The following ELF1 variants were observed in gnomAD, a reference collection of about 807,000 sequenced individuals.
The protein encoded by ELF1 is E74 like ETS transcription factor 1, also known as ETS-related transcription factor Elf-1.
A neutral mutation model predicts 59.9 loss-of-function variants in ELF1; 24 were observed. That is an observed-to-expected ratio of 0.40 (90% CI 0.29 to 0.56). The LOEUF is 0.56. ELF1 is among the 20% of genes least tolerant of loss of function. ELF1 has a pLI of 0.44. For missense variants in ELF1, 627 were observed against 742.2 expected, an observed-to-expected ratio of 0.84 and a Z score of 1.80; for synonymous variants, 248 against 266.2, an observed-to-expected ratio of 0.93 and a Z score of 0.67.
Position 41,015,261 on chromosome 13 carries a change from G to A in ELF1, c.-229+3967C>T, listed in dbSNP as rs535797434. ...AAAGATTATTTATTATGGCCAATAT[G>A]GCAGTAGGTTTCGGGGGTGGATCAG... On this transcript the variant is annotated intron_variant, in intron 1 of 8. Coordinates refer to ENST00000239882, the MANE Select transcript of ELF1 (RefSeq NM_172373.4). 2.0e-5 allele frequency among the ~76,000 whole-genome samples: 3 copies of A among 152,094 alleles called. No homozygotes were observed. In the East Asian group the frequency reaches 5.8e-4, roughly 29 times the overall value.
In ELF1 at chr13:40,942,411, A is replaced by G. The variant is rs1870233795; in HGVS notation, c.806+541T>C. On this transcript the variant is annotated intron_variant, in intron 7 of 8. Transcript: ENST00000239882. ...GAAAAACGAACTAAAAGTGAGCTTAAGAATGTTACTCTTGTTCAAAATTCT... is the reference window on the plus strand; with the variant it reads ...GAAAAACGAACTAAAAGTGAGCTTAGGAATGTTACTCTTGTTCAAAATTCT... Among the ~76,000 whole-genome samples the G allele has an allele frequency of 2.0e-5, 3 of 152,382 alleles. No homozygotes were observed. The South Asian group carries it at 6.2e-4, about 32-fold the overall frequency.
At chr13:40,972,742 A>G (rs1312637785) in intron 2 of ELF1, among the ~76,000 whole-genome samples, 1 of 152,190 alleles carries the variant, frequency 6.6e-6, no homozygotes, top group Non-Finnish European at 1.5e-5. Flanking sequence ...AAACTTGTCT[A>G]AAGTTACACA....
Position 40,958,766 on chromosome 13 carries a change from C to T in ELF1, c.253+70G>A, listed in dbSNP as rs934752000. 4.7e-6 allele frequency: 7 copies of T among 1,477,764 alleles called. No homozygotes were observed. The African/African-American group carries it at 9.7e-5, about 21-fold the overall frequency. 91.5% of individuals were successfully genotyped at this position (1,477,764 alleles called of 1,614,324 possible). On this transcript the variant is annotated intron_variant, in intron 3 of 8. Coordinates refer to ENST00000239882, the MANE Select transcript of ELF1 (RefSeq NM_172373.4). ...AAGTTAGGGGCGTTTTATGCCCCCACATCCTCAGGATTAGGACACTGCCTA... is the reference window on the plus strand; with the variant it reads ...AAGTTAGGGGCGTTTTATGCCCCCATATCCTCAGGATTAGGACACTGCCTA...
At chr13:41,013,807 T>C in intron 1 of ELF1, among the ~76,000 whole-genome samples, 1 of 152,116 alleles carries the variant, frequency 6.6e-6, no homozygotes, top group Non-Finnish European at 1.5e-5. Flanking sequence ...AATACTAAAC[T>C]TCCATTTAGT....
At chr13:41,056,329 T>C (rs1426119863) in intron 1 of ELF1, among the ~76,000 whole-genome samples, 1 of 152,230 alleles carries the variant, frequency 6.6e-6, no homozygotes, top group Non-Finnish European at 1.5e-5. Context: ...TCCCTTTTTA[T>C]TCCCAAATAT....
Position 40,943,040 on chromosome 13 carries a change from A to G in ELF1, c.718T>C (p.Leu240=). ...CTGGACACTGCTTTAGAATCCACCA[A>G]TTTAAAAATGCCTTTCTCTCGCTGG... ...WTQREKGIFK[L]VDSKAVSRLW... is the part of the protein sequence containing the mutation. Residue 240 remains leucine, a synonymous_variant, in exon 7 of 9, where the codon TTG becomes CTG. Transcript: ENST00000239882. 1.9e-6 allele frequency: 3 copies of G among 1,613,324 alleles called. No homozygotes were observed. Among genetic ancestry groups the G allele is most frequent in the South Asian group, 2.2e-5 (2 of 90,942 alleles).
intron 2 of ELF1, among the ~76,000 whole-genome samples, chr13:40,961,083 T>C (rs1871789497): frequency 1.3e-5 from 2 of 152,210 alleles, no homozygotes; most frequent in South Asian, 2.1e-4. Flanking sequence ...TATGGTTTCA[T>C]TGCAACTAAG....
intron 3 of ELF1, among the ~76,000 whole-genome samples, chr13:40,958,180 C>T (rs1280311458): frequency 6.6e-6 from 1 of 152,184 alleles, no homozygotes; most frequent in Non-Finnish European, 1.5e-5. Context: ...ATTATTACTA[C>T]AATCTCACAT....
At chr13:41,030,821 T>TG (rs1876128561) in intron 1 of ELF1, among the ~76,000 whole-genome samples, 1 of 149,500 alleles carries the variant, frequency 6.7e-6, no homozygotes, top group South Asian at 2.1e-4. Context: ...GTTGTTTTTT[T>TG]TGGGGGGTGG....
intron 3 of ELF1, among the ~76,000 whole-genome samples, chr13:40,957,781 AGG>A (rs1871546313): frequency 6.6e-6 from 1 of 152,230 alleles, no homozygotes. Context: ...CACAAAGATG[AGG>A]TATTGACAAC....
intron 3 of ELF1, among the ~76,000 whole-genome samples, chr13:40,955,450 G>A (rs113217049): frequency 0.51 from 54,506 of 107,776 alleles, 17,213 homozygotes; most frequent in Non-Finnish European, 0.67. Flanking sequence ...CCGGCCAGCC[G>A]CCCCGTCCGG....
In ELF1 at chr13:41,005,429, C is replaced by G. The variant is rs533305123; in HGVS notation, c.-229+13799G>C. 1.8e-3 allele frequency among the ~76,000 whole-genome samples: 265 copies of G among 145,186 alleles called. 1 individual carries two copies. The highest frequency in any genetic ancestry group is 3.2e-3 in the Non-Finnish European group (214 of 66,294). ...ACCACCTTGATATGTGACCCTCCCC[C>G]CAACCTCTGCTATACCTATCCAAAA... On this transcript the variant is annotated intron_variant, in intron 1 of 8. Coordinates refer to ENST00000239882, the MANE Select transcript of ELF1 (RefSeq NM_172373.4).
chr13:40,995,843 T>TA (rs1874101701), intron 1 of ELF1, among the ~76,000 whole-genome samples: 1 of 152,136 alleles, frequency 6.6e-6, no homozygotes, highest in Admixed American at 6.5e-5. Context: ...ATGCAGGATT[T>TA]ATCAAAGGAA....
intron 1 of ELF1, among the ~76,000 whole-genome samples, chr13:40,988,584 G>A (rs1444595427): frequency 1.3e-5 from 2 of 152,164 alleles, no homozygotes; most frequent in Admixed American, 1.3e-4. Flanking sequence ...AACAACTGGT[G>A]CAGAGGGTTT....
rs541211057 is a variant in ELF1 at position 40,989,041 on chromosome 13, G to A, written c.-228-6759C>T. 2.6e-5 allele frequency among the ~76,000 whole-genome samples: 4 copies of A among 152,232 alleles called. No homozygotes were observed. The East Asian group carries it at 7.7e-4, about 29-fold the overall frequency. ...TCGAACTCCTGAGCTCAAGTGATCT[G>A]CCCACCTGAGCCTCCCAAAGTGCTG... On this transcript the variant is annotated intron_variant, in intron 1 of 8. Coordinates refer to ENST00000239882, the MANE Select transcript of ELF1 (RefSeq NM_172373.4).
chr13:41,024,126 ATAAT>A (rs2138397640), upstream of ELF1, among the ~76,000 whole-genome samples: 1 of 152,312 alleles, frequency 6.6e-6, no homozygotes, highest in South Asian at 2.1e-4. Flanking sequence ...TTTATCTCTC[ATAAT>A]TAAATTTTAA....
chr13:40,974,352 A>G (rs1448429338), intron 2 of ELF1, among the ~76,000 whole-genome samples: 1 of 152,150 alleles, frequency 6.6e-6, no homozygotes, highest in Non-Finnish European at 1.5e-5. Flanking sequence ...CACCACTTAC[A>G]TGTTGCAGTG....
At chr13:41,047,085 G>A (rs562308069) in intron 1 of ELF1, among the ~76,000 whole-genome samples, 3 of 152,268 alleles carry the variant, frequency 2.0e-5, no homozygotes, top group East Asian at 3.9e-4. Context: ...ACTGAAGCTT[G>A]TGCATTCGTC....
intron 3 of ELF1, among the ~76,000 whole-genome samples, chr13:40,952,515 C>A (rs1300980897): frequency 6.6e-6 from 1 of 151,972 alleles, no homozygotes; most frequent in African/African-American, 2.4e-5. Flanking sequence ...TCTCAGGCCA[C>A]CATGCCCAGC....
Sources: allele counts gnomAD v4.1 joint callset (sites outside exome capture counted in the v4.1 genomes callset), GRCh38; gene constraint gnomAD v4.1.1; transcripts MANE v1.5; gene names NCBI Gene and HGNC (gene_info 2026-07-23, HGNC 2026-07-21).